The following FN3KRP variants were observed in gnomAD, a reference collection of about 807,000 sequenced individuals.
FN3KRP encodes fructosamine 3 kinase related protein.
In FN3KRP, 33 loss-of-function variants were observed where a neutral mutation model predicts 29.8. That is an observed-to-expected ratio of 1.11 (90% CI 0.84 to 1.48). The LOEUF (loss-of-function observed/expected upper bound fraction) is 1.48, where lower values mean the gene tolerates loss of function less well. Among genes scored for constraint, FN3KRP ranks in the 40% most tolerant of loss-of-function variants. FN3KRP has a pLI of 0.00. For synonymous variants in FN3KRP, 157 were observed against 155.2 expected, an observed-to-expected ratio of 1.01 and a Z score of -0.09; for missense variants, 430 against 402.6, an observed-to-expected ratio of 1.07 and a Z score of -0.58.
At chr17:82,723,662 TGC>T (rs895498790) in intron 4 of FN3KRP, among the ~76,000 whole-genome samples, 39 of 151,374 alleles carry the variant, frequency 2.6e-4, no homozygotes, top group South Asian at 4.1e-4. Flanking sequence ...TGTACGCGTG[TGC>T]GCGCACATGT....
At chr17:82,719,599 C>A (rs187011802) in intron 2 of FN3KRP, among the ~76,000 whole-genome samples, 38 of 152,102 alleles carry the variant, frequency 2.5e-4, no homozygotes, top group South Asian at 6.2e-4. Flanking sequence ...TACCAAAAAT[C>A]CAAAAATTAG....
Position 82,716,746 on chromosome 17 carries a change from C to A in FN3KRP, c.-10C>A, listed in dbSNP as rs1477469888. On this transcript the variant is annotated 5_prime_UTR_variant, in exon 1 of 6. Transcript: ENST00000269373. ...CAGATCCGGGGCGGGTCCGCGGCCG[C>A]GGCGGGAACATGGAGGAGCTCCTGA... The A allele has an allele frequency of 1.3e-6, 2 of 1,485,406 alleles. No individual in the cohort carries two copies. The highest frequency in any genetic ancestry group is 2.9e-5 in the African/African-American group (2 of 67,848). The allele number at this position is 1,485,406 out of a possible 1,614,324, so 92.0% of individuals were successfully genotyped here. A position where few individuals can be genotyped will look rare whatever the true frequency, so the allele number is the denominator to read the frequency against.
chr17:82,723,001 A>T, intron 4 of FN3KRP, 115 bp downstream of exon 4: 1 of 924,608 alleles, frequency 1.1e-6, no homozygotes, highest in Non-Finnish European at 1.6e-6. Context: ...TATTTGCACC[A>T]TTTTTTCTTT....
At chr17:82,719,794 G>T (rs576012567) in intron 2 of FN3KRP, among the ~76,000 whole-genome samples, 1 of 152,140 alleles carries the variant, frequency 6.6e-6, no homozygotes, top group African/African-American at 2.4e-5. Flanking sequence ...CTTGGATGAG[G>T]CTGGGAAAGA....
At chr17:82,720,433 G>A (rs931118954) in intron 3 of FN3KRP, 70 bp downstream of exon 3, 26 of 1,297,562 alleles carry the variant, frequency 2.0e-5, no homozygotes, top group African/African-American at 1.9e-4. Flanking sequence ...GGCTCAGAGC[G>A]GGGGCCGTGC....
At chr17:82,720,722 G>A (rs1598333268) in intron 3 of FN3KRP, 1 of 175,322 alleles carries the variant, frequency 5.7e-6, no homozygotes, top group East Asian at 1.5e-4. Flanking sequence ...AGTCATACTT[G>A]AGGCTCAGAA....
Position 82,717,890 on chromosome 17 carries a change from A to G in FN3KRP, c.141+994A>G, listed in dbSNP as rs556427140. On this transcript the variant is annotated intron_variant, in intron 1 of 5. Transcript: ENST00000269373. ...TGTATGTTGTGTGTGTGTACGTTGT[A>G]TGTGTGTATGTTTGTAATGTTTGTA... is the stretch of plus-strand genomic sequence containing the variant. Among the ~76,000 whole-genome samples the G allele has an allele frequency of 5.3e-5, 8 of 151,752 alleles. No individual in the cohort carries two copies. In the South Asian group the frequency reaches 1.7e-3, roughly 32 times the overall value.
At chr17:82,723,564 TATGTGTGTGC>T (rs59322676) in intron 4 of FN3KRP, among the ~76,000 whole-genome samples, 3,862 of 152,140 alleles carry the variant, frequency 0.025, 158 homozygotes, top group African/African-American at 0.086. Flanking sequence ...CGCATATGTG[TATGTGTGTGC>T]ATGTGTGTGC....
rs1457096762 is a variant in FN3KRP, at chr17:82,716,873, G to A, written c.118G>A (p.Val40Met). The A allele has an allele frequency of 2.6e-6, 4 of 1,567,476 alleles. No homozygotes were observed. The highest frequency in any genetic ancestry group is 2.3e-5 in the South Asian group (2 of 86,096). Residue 40 changes from valine to methionine, a missense_variant, in exon 1 of 6, where the codon GTG becomes ATG. By Grantham distance (21) the Val-to-Met change is conservative. Coordinates refer to ENST00000269373, the MANE Select transcript of FN3KRP (RefSeq NM_024619.4). Reference protein sequence around the residue: ...SYDTDQGRVFVKVNPKAEARR... With the variant: ...SYDTDQGRVFMKVNPKAEARR... ...CGACACGGATCAAGGACGAGTGTTCGTGAAAGTGAACCCCAAGGCGGAGGT... is the reference window on the plus strand; with the variant it reads ...CGACACGGATCAAGGACGAGTGTTCATGAAAGTGAACCCCAAGGCGGAGGT...
At chr17:82,723,057 T>G (rs1051203577) in intron 4 of FN3KRP, among the ~76,000 whole-genome samples, 171 bp downstream of exon 4, 2 of 152,174 alleles carry the variant, frequency 1.3e-5, no homozygotes, top group African/African-American at 4.8e-5. Context: ...CCTAATATGC[T>G]AGGTAAGCAT....
intron 4 of FN3KRP, among the ~76,000 whole-genome samples, chr17:82,723,994 A>AAT (rs1555664853): frequency 3.4e-4 from 50 of 149,048 alleles, no homozygotes; most frequent in Admixed American, 1.2e-3. Flanking sequence ...CAAAAAAAAA[A>AAT]TTTTTTTTTT....
chr17:82,722,592 A>G, intron 3 of FN3KRP: 3 of 532,566 alleles, frequency 5.6e-6, no homozygotes, highest in South Asian at 4.7e-5. Context: ...TGGAGGCCAC[A>G]GGCTCCTAGT....
At chr17:82,717,326 C>T (rs1005555733) in intron 1 of FN3KRP, among the ~76,000 whole-genome samples, 5 of 152,168 alleles carry the variant, frequency 3.3e-5, no homozygotes, top group Admixed American at 1.3e-4. Flanking sequence ...GTCCATCCCC[C>T]GTGAGCCTCG....
At chr17:82,725,199 C>T (rs2046828538) in intron 4 of FN3KRP, among the ~76,000 whole-genome samples, 1 of 152,008 alleles carries the variant, frequency 6.6e-6, no homozygotes, top group South Asian at 2.1e-4. Context: ...ATGATCATAG[C>T]TCACTGCAGC....
chr17:82,726,762 T>C (rs2246103), intron 5 of FN3KRP, 71 bp from the exon 6 acceptor site: 1,489,577 of 1,491,336 alleles, frequency 1, 743,929 homozygotes, highest in Non-Finnish European at 1. Context: ...CTGGGGGCGG[T>C]GGGGACCTGG....
At position 82,727,229 on chromosome 17, in the gene FN3KRP, A is replaced by C. The variant is rs1233964875; in HGVS notation, c.*58A>C. The C allele has an allele frequency of 1.3e-5, 20 of 1,485,866 alleles. No homozygotes were observed. Among genetic ancestry groups the C allele is most frequent in the South Asian group, 1.2e-5 (1 of 80,272 alleles). The allele number at this position is 1,485,866 out of a possible 1,614,324, so 92.0% of individuals were successfully genotyped here. A position where few individuals can be genotyped will look rare whatever the true frequency, so the allele number is the denominator to read the frequency against. ...TTTCTCCACAGTCCTCTTCTGGGCA[A>C]ATTCTTGTTTCTTCACATGCTGGAC... On this transcript the variant is annotated 3_prime_UTR_variant, in exon 6 of 6. Coordinates refer to ENST00000269373, the MANE Select transcript of FN3KRP (RefSeq NM_024619.4).
intron 3 of FN3KRP, chr17:82,720,616 A>C (rs1260928418): frequency 2.8e-6 from 1 of 361,518 alleles, no homozygotes; most frequent in Non-Finnish European, 5.0e-6. Context: ...TGTTACAGTT[A>C]CTTTTACCTC....
intron 4 of FN3KRP, among the ~76,000 whole-genome samples, chr17:82,724,586 A>G (rs925431825): frequency 1.3e-5 from 2 of 150,542 alleles, no homozygotes; most frequent in Non-Finnish European, 3.0e-5. Flanking sequence ...CCTGGGTGAC[A>G]AGAGTGAAAC....
At chr17:82,726,348 G>C (rs1285866819) in intron 4 of FN3KRP, 132 bp from the exon 5 acceptor site, 2 of 1,105,496 alleles carry the variant, frequency 1.8e-6, no homozygotes, top group Non-Finnish European at 2.6e-6. Context: ...CCCCCCTCAG[G>C]CTCCTGTGAC....
Sources: gnomAD v4.1 joint callset for allele counts (sites outside exome capture counted in the v4.1 genomes callset) on GRCh38, gnomAD v4.1.1 for gene constraint, MANE v1.5 for transcripts, NCBI Gene and HGNC (gene_info 2026-07-23, HGNC 2026-07-21) for gene names.